The following TEX30 variants were observed in gnomAD, a reference collection of about 807,000 sequenced individuals.
TEX30 encodes testis expressed 30.
TEX30 carries 14 observed loss-of-function variants against 23.8 expected under a neutral mutation model. The observed-to-expected ratio is 0.59, with a 90% CI of 0.39 to 0.92. The LOEUF is 0.92. Among genes scored for constraint, TEX30 ranks in the 40% least tolerant of loss-of-function variants. The pLI is 0.00. For synonymous variants in TEX30, 78 were observed against 90.2 expected (o/e 0.87, Z 0.76); for missense variants, 246 against 270.6 (o/e 0.91, Z 0.64).
rs746717232 is a variant in TEX30 at position 102,769,272 on chromosome 13, A to G, written c.246+39T>C. The G allele has an allele frequency of 1.1e-5, 14 of 1,326,016 alleles. No individual in the cohort carries two copies. In the South Asian group the frequency reaches 2.2e-4, roughly 20 times the overall value. 82.1% of individuals were successfully genotyped at this position (1,326,016 alleles called of 1,614,324 possible). A position where few individuals can be genotyped will look rare whatever the true frequency, so the allele number is the denominator to read the frequency against. On this transcript the variant is annotated intron_variant, in intron 3 of 5. Coordinates refer to ENST00000376032, the MANE Select transcript of TEX30 (RefSeq NM_138779.5). ...CTTACATTTATTAAGGATTTCAAACAGAATTCTGTTATAAGTAAATATAAA... is the reference window on the plus strand; with the variant it reads ...CTTACATTTATTAAGGATTTCAAACGGAATTCTGTTATAAGTAAATATAAA...
chr13:102,767,555 G>C, intron 4 of TEX30, 77 bp from the exon 5 acceptor site: 1 of 1,410,462 alleles, frequency 7.1e-7, no homozygotes, highest in Non-Finnish European at 9.7e-7. Flanking sequence ...TGGCAAATTG[G>C]ATCTTTTACT....
intron 1 of TEX30, chr13:102,770,605 T>C (rs1472711094): frequency 1.3e-5 from 2 of 152,222 alleles, no homozygotes; most frequent in Admixed American, 6.5e-5. Flanking sequence ...TAATGGAATG[T>C]AGGTAGACAT....
At chr13:102,769,951 A>C (rs1877201443) in intron 2 of TEX30, 61 bp downstream of exon 2, 1 of 1,344,428 alleles carries the variant, frequency 7.4e-7, no homozygotes, top group Non-Finnish European at 9.7e-7. Flanking sequence ...CTGAAGCCAC[A>C]TAATTACAAA....
chr13:102,771,293 C>T (rs922666248), intron 1 of TEX30, among the ~76,000 whole-genome samples: 5 of 152,066 alleles, frequency 3.3e-5, no homozygotes, highest in South Asian at 4.2e-4. Context: ...CATGTGCACA[C>T]GGTACATTAA....
rs751908434 is a variant in TEX30, at chr13:102,767,391, C to A, written c.386G>T (p.Cys129Phe). 79 of 1,614,042 alleles carry A rather than the reference C, an allele frequency of 4.9e-5. No individual in the cohort carries two copies. The highest frequency in any genetic ancestry group is 6.5e-5 in the Non-Finnish European group (77 of 1,180,030). The change falls in exon 5 of 6, where the codon TGT (cysteine) becomes TTT (phenylalanine). Residue 129 changes from cysteine to phenylalanine, a missense_variant. Coordinates refer to ENST00000376032, the MANE Select transcript of TEX30 (RefSeq NM_138779.5). ...TGGATGGTGCAGTGGGTAAGAAATACAAATGAGACCCCGAACAAAATCATC... is the reference window on the plus strand; with the variant it reads ...TGGATGGTGCAGTGGGTAAGAAATAAAAATGAGACCCCGAACAAAATCATC... ...DGDDFVRGLI[C>F]ISYPLHHPKQ...
At position 102,767,364 on chromosome 13, in the gene TEX30, T is replaced by C. The variant is rs1222455754; in HGVS notation, c.413A>G (p.Lys138Arg). Residue 138 changes from lysine (K) to arginine (R), a missense_variant, in exon 5 of 6, where the codon AAG (lysine) becomes AGG (arginine). Coordinates refer to ENST00000376032, the MANE Select transcript of TEX30 (RefSeq NM_138779.5). ...TTCATCTCTGAGTTTATGCTGCTGCTTTGGATGGTGCAGTGGGTAAGAAAT... is the reference window on the plus strand; with the variant it reads ...TTCATCTCTGAGTTTATGCTGCTGCCTTGGATGGTGCAGTGGGTAAGAAAT... ...ICISYPLHHP[K>R]QQHKLRDEDL... 3 of 1,614,062 alleles carry C rather than the reference T, an allele frequency of 1.9e-6. No homozygotes were observed. Among genetic ancestry groups the C allele is most frequent in the Admixed American group, 3.3e-5 (2 of 60,006 alleles).
chr13:102,772,440 C>T (rs1319831102), intron 1 of TEX30, among the ~76,000 whole-genome samples: 3 of 152,244 alleles, frequency 2.0e-5, no homozygotes, highest in Non-Finnish European at 4.4e-5. Flanking sequence ...TTTGCCACCT[C>T]TCCCGGTCTG....
At chr13:102,773,582 G>C (rs1425984933) in intron 1 of TEX30, 100 bp downstream of exon 1, 1 of 152,000 alleles carries the variant, frequency 6.6e-6, no homozygotes, top group Non-Finnish European at 1.5e-5. Context: ...AGTGACGCCC[G>C]CGAGCCTCAA....
Position 102,770,011 on chromosome 13 carries a change from C to A in TEX30, c.15+1G>T. On this transcript the variant is annotated splice_donor_variant, in intron 2 of 5. Transcript: ENST00000376032. LOFTEE classifies it high-confidence loss of function. ...AGATGCAGAACATACGAAAATATTA[C>A]CTCTGTATGACTCATTTTCACTGTT... 1 of 1,445,712 alleles carries A rather than the reference C, an allele frequency of 6.9e-7. No individual in the cohort carries two copies. The highest frequency in any genetic ancestry group is 9.1e-7 in the Non-Finnish European group (1 of 1,094,686). 89.6% of individuals were successfully genotyped at this position (1,445,712 alleles called of 1,614,324 possible). A position where few individuals can be genotyped will look rare whatever the true frequency, so the allele number is the denominator to read the frequency against.
At chr13:102,773,507 G>C (rs956574088) in intron 1 of TEX30, 175 bp downstream of exon 1, 39 of 152,334 alleles carry the variant, frequency 2.6e-4, no homozygotes, top group African/African-American at 7.5e-4. Flanking sequence ...AGCCCCCACC[G>C]GCTGGTGCCC....
intron 5 of TEX30, 36 bp downstream of exon 5, chr13:102,767,237 C>A: frequency 1.3e-6 from 2 of 1,590,086 alleles, no homozygotes; most frequent in Non-Finnish European, 1.7e-6. Flanking sequence ...GCCTTTCATT[C>A]TCTTTCATTG....
At position 102,769,435 on chromosome 13, in the gene TEX30, T is replaced by G. The variant is rs1432688473; in HGVS notation, c.122A>C (p.Asp41Ala). The change falls in exon 3 of 6, where the codon GAT becomes GCT. Residue 41 changes from aspartate (D) to alanine (A), a missense_variant. Transcript: ENST00000376032. ...GIILTHGASG[D>A]MNLPHLMSLA... ...TGACATCAAATGAGGAAGATTCATATCTCCTGATGCTCCATGTGTAAGAAT... is the reference window on the plus strand; with the variant it reads ...TGACATCAAATGAGGAAGATTCATAGCTCCTGATGCTCCATGTGTAAGAAT... The G allele has an allele frequency of 6.2e-7, 1 of 1,611,048 alleles. No homozygotes were observed. The highest frequency in any genetic ancestry group is 1.1e-5 in the South Asian group (1 of 90,140).
Position 102,767,446 on chromosome 13 carries a change from C to G in TEX30, c.331G>C (p.Val111Leu). The change falls in exon 5 of 6, where the codon GTA (valine) becomes CTA (leucine). Residue 111 changes from valine to leucine, a missense_variant. Coordinates refer to ENST00000376032, the MANE Select transcript of TEX30 (RefSeq NM_138779.5). ...TCATCTGGCTCAATGTGACACATTA[C>G]AGAAGCAGCTGCTCTTGAGCCCATT... ...RSMGSRAAAS[V>L]MCHIEPDDGD... The G allele has an allele frequency of 6.2e-7, 1 of 1,614,148 alleles. No individual in the cohort carries two copies. The highest frequency in any genetic ancestry group is 1.1e-5 in the South Asian group (1 of 91,076).
chr13:102,772,707 C>A (rs771975551), intron 1 of TEX30, among the ~76,000 whole-genome samples: 1 of 152,204 alleles, frequency 6.6e-6, no homozygotes, highest in Non-Finnish European at 1.5e-5. Flanking sequence ...TCCCGAGTAG[C>A]TGAGATTACA....
In TEX30 at chr13:102,766,524, A is replaced by C; in HGVS notation, c.561T>G (p.Ile187Met). Residue 187 changes from isoleucine (I) to methionine (M), a missense_variant, in exon 6 of 6, where the codon ATT (isoleucine) becomes ATG (methionine). Ile to Met is a conservative substitution (Grantham distance 10). Coordinates refer to ENST00000376032, the MANE Select transcript of TEX30 (RefSeq NM_138779.5). ...KMQAPHKIHW[I>M]EKANHSMAVK... ...CTGCCATGGAATGATTTGCCTTCTC[A>C]ATCCAGTGGATTTTATGGGGAGCTT... is the stretch of plus-strand genomic sequence containing the variant. 1 of 1,613,896 alleles carries C rather than the reference A, an allele frequency of 6.2e-7. No homozygotes were observed.
In TEX30 at chr13:102,767,328, C is replaced by T. The variant is rs765734836; in HGVS notation, c.449G>A (p.Arg150His). ...CACAAACAGTACAGGCTCTTTTAAA[C>T]GAAAGAGGTCTTCATCTCTGAGTTT... ...QHKLRDEDLFRLKEPVLFVSG... is the reference protein window; with the variant it reads ...QHKLRDEDLFHLKEPVLFVSG... Residue 150 changes from arginine to histidine, a missense_variant, in exon 5 of 6, where the codon CGT becomes CAT. By Grantham distance (29) the Arg-to-His change is conservative. Coordinates refer to ENST00000376032, the MANE Select transcript of TEX30 (RefSeq NM_138779.5). 1.9e-5 allele frequency: 31 copies of T among 1,613,890 alleles called. No individual in the cohort carries two copies. Among genetic ancestry groups the T allele is most frequent in the Middle Eastern group, 1.6e-4 (1 of 6,082 alleles).
In TEX30 at chr13:102,769,652, C is replaced by A. The variant is rs1877175831; in HGVS notation, c.16-111G>T. 4.5e-6 allele frequency: 3 copies of A among 673,202 alleles called. No individual in the cohort carries two copies. The African/African-American group carries it at 5.6e-5, about 13-fold the overall frequency. 41.7% of individuals were successfully genotyped at this position (673,202 alleles called of 1,614,324 possible). ...AGGCTCATAATTCAAGTCATAGCCT[C>A]CAAATAAAAAGTAGTGATATTAATA... On this transcript the variant is annotated intron_variant, in intron 2 of 5. Coordinates refer to ENST00000376032, the MANE Select transcript of TEX30 (RefSeq NM_138779.5).
rs1167931441 is a variant in TEX30 at position 102,767,457 on chromosome 13, G to T, written c.320C>A (p.Ala107Glu). 6.2e-7 allele frequency: 1 copy of T among 1,614,112 alleles called. No homozygotes were observed. Among genetic ancestry groups the T allele is most frequent in the Non-Finnish European group, 8.5e-7 (1 of 1,180,014 alleles). The stretch of plus-strand genomic sequence containing the variant: ...AATGTGACACATTACAGAAGCAGCT[G>T]CTCTTGAGCCCATTGAACGACCTAA... ...FLGGRSMGSRAAASVMCHIEP... is the reference protein window; with the variant it reads ...FLGGRSMGSREAASVMCHIEP... Residue 107 changes from alanine to glutamate, a missense_variant, in exon 5 of 6, where the codon GCA becomes GAA. By Grantham distance (107) the Ala-to-Glu change is moderately radical. Coordinates refer to ENST00000376032, the MANE Select transcript of TEX30 (RefSeq NM_138779.5).
Position 102,766,446 on chromosome 13 carries a change from C to T in TEX30, c.639G>A (p.Leu213=). 1 of 1,613,610 alleles carries T rather than the reference C, an allele frequency of 6.2e-7. No individual in the cohort carries two copies. Among genetic ancestry groups the T allele is most frequent in the Non-Finnish European group, 8.5e-7 (1 of 1,179,818 alleles). ...TTTCAGTAATTTCTTGGATCCAAAA[C>T]AAAATCTGTGTATTTATTTCTTTGA... ...DVFKEINTQI[L]FWIQEITEMD... The change falls in exon 6 of 6, where the codon TTG becomes TTA. Residue 213 remains leucine, a synonymous_variant. Transcript: ENST00000376032.
Sources: gnomAD v4.1 joint callset for allele counts (sites outside exome capture counted in the v4.1 genomes callset) on GRCh38, gnomAD v4.1.1 for gene constraint, MANE v1.5 for transcripts, NCBI Gene and HGNC (gene_info 2026-07-23, HGNC 2026-07-21) for gene names.